The following SLC7A1 variants were observed in gnomAD, a reference collection of about 807,000 sequenced individuals.
SLC7A1 encodes solute carrier family 7 member 1.
A neutral mutation model predicts 53.9 loss-of-function variants in SLC7A1; 10 were observed. The observed-to-expected ratio is 0.19, with a 90% CI of 0.11 to 0.31. The LOEUF (loss-of-function observed/expected upper bound fraction) is 0.31. Ranked by LOEUF, SLC7A1 falls within the 10% of genes least tolerant of loss-of-function variation. SLC7A1 has a pLI of 1.00. For missense variants in SLC7A1, 525 were observed against 827.2 expected (o/e 0.63, Z 4.48); for synonymous variants, 342 against 338.7 (o/e 1.01, Z -0.11).
At chr13:29,514,796 T>G (rs1226775790) in intron 12 of SLC7A1, among the ~76,000 whole-genome samples, 1 of 152,236 alleles carries the variant, frequency 6.6e-6, no homozygotes, top group Non-Finnish European at 1.5e-5. Flanking sequence ...GGCAAAGCCC[T>G]ACGTTCCTCT....
At chr13:29,523,778 G>A (rs751624426) in intron 6 of SLC7A1, among the ~76,000 whole-genome samples, 18 of 152,224 alleles carry the variant, frequency 1.2e-4, no homozygotes, top group African/African-American at 4.3e-4. Context: ...AAATCTGGGA[G>A]GCTCACTGAA....
chr13:29,532,080 T>C (rs73452373), intron 4 of SLC7A1, among the ~76,000 whole-genome samples: 2,625 of 152,262 alleles, frequency 0.017, 73 homozygotes, highest in African/African-American at 0.059. Context: ...CCAGCCTGAG[T>C]GAAGTTATTT....
At chr13:29,527,515 G>A (rs1868954322) in intron 5 of SLC7A1, among the ~76,000 whole-genome samples, 1 of 152,154 alleles carries the variant, frequency 6.6e-6, no homozygotes, top group South Asian at 2.1e-4. Context: ...CCTTTTACAT[G>A]CGTGTGGCAG....
chr13:29,584,271 A>C (rs765276720), intron 1 of SLC7A1, among the ~76,000 whole-genome samples: 16 of 152,076 alleles, frequency 1.1e-4, no homozygotes, highest in Non-Finnish European at 2.1e-4. Context: ...TGCTAGGACT[A>C]CAGCTACTCG....
chr13:29,524,345 G>A (rs1868785172), intron 5 of SLC7A1, 92 bp from the exon 6 acceptor site: 1 of 1,518,616 alleles, frequency 6.6e-7, no homozygotes, highest in African/African-American at 1.4e-5. Context: ...AGCGGAACCT[G>A]GCAGTCAGCC....
At chr13:29,519,864 G>T (rs1479086692) in intron 8 of SLC7A1, among the ~76,000 whole-genome samples, 3 of 152,092 alleles carry the variant, frequency 2.0e-5, no homozygotes, top group Non-Finnish European at 2.9e-5. Context: ...ATTCACAAAG[G>T]TTAGGAGACT....
intron 1 of SLC7A1, among the ~76,000 whole-genome samples, chr13:29,591,813 G>A (rs541432336): frequency 1.5e-4 from 23 of 152,296 alleles, no homozygotes; most frequent in African/African-American, 5.3e-4. Context: ...AGGTTTCCTC[G>A]CGCTTGATTT....
intron 1 of SLC7A1, among the ~76,000 whole-genome samples, chr13:29,594,522 G>C (rs939505072): frequency 1.3e-5 from 2 of 152,250 alleles, no homozygotes; most frequent in Non-Finnish European, 2.9e-5. Flanking sequence ...TAGTACTACA[G>C]TGCAGCTGCC....
At chr13:29,539,552 T>C (rs900711221) in intron 2 of SLC7A1, among the ~76,000 whole-genome samples, 5 of 152,186 alleles carry the variant, frequency 3.3e-5, no homozygotes, top group African/African-American at 9.7e-5. Context: ...TCTAACATAA[T>C]GTGAAAAGGG....
chr13:29,564,655 A>G (rs1870893122), intron 1 of SLC7A1, among the ~76,000 whole-genome samples: 1 of 152,228 alleles, frequency 6.6e-6, no homozygotes, highest in South Asian at 2.1e-4. Context: ...AGGCAATGGG[A>G]TGAGGAGGCA....
Position 29,517,216 on chromosome 13 carries a change from A to G in SLC7A1, c.1605T>C (p.Ser535=). 4 of 1,613,272 alleles carry G rather than the reference A, an allele frequency of 2.5e-6. No homozygotes were observed. Among genetic ancestry groups the G allele is most frequent in the Non-Finnish European group, 3.4e-6 (4 of 1,179,676 alleles). ...ALWAVFLLAG[S]ALLCAVVTGV... is the part of the protein sequence containing the mutation. ...CCGTGACCACGGCACAGAGGAGGGCAGACCCTGCGAGCAGAAAGACTGCCC... is the reference window on the plus strand; with the variant it reads ...CCGTGACCACGGCACAGAGGAGGGCGGACCCTGCGAGCAGAAAGACTGCCC... Residue 535 remains serine, a synonymous_variant, in exon 11 of 13, where the codon TCT becomes TCC. Coordinates refer to ENST00000380752, the MANE Select transcript of SLC7A1 (RefSeq NM_003045.5).
At chr13:29,557,685 AATATGAGTG>A (rs2139142835) in intron 1 of SLC7A1, among the ~76,000 whole-genome samples, 3 of 121,168 alleles carry the variant, frequency 2.5e-5, no homozygotes, top group East Asian at 2.8e-4. Context: ...AGGGAGAGTG[AATATGAGTG>A]GGGGGGAGTG....
intron 1 of SLC7A1, among the ~76,000 whole-genome samples, chr13:29,587,668 A>T (rs1348044753): frequency 6.6e-6 from 1 of 152,122 alleles, no homozygotes; most frequent in Admixed American, 6.5e-5. Flanking sequence ...CAAGTCTCAA[A>T]CAAGTTCTGG....
chr13:29,517,514 A>G, intron 10 of SLC7A1, 59 bp downstream of exon 10: 1 of 1,426,088 alleles, frequency 7.0e-7, no homozygotes, highest in South Asian at 1.2e-5. Flanking sequence ...CTCCAGCTCC[A>G]CTGCCTAGAA....
Position 29,517,703 on chromosome 13 carries a change from G to A in SLC7A1, c.1380C>T (p.Ser460=). ...AAAAGCCCAGCTGGGAATCATTGGT[G>A]CTTGCCAATTCATTTTGGTCTGCTG... ...LDPADQNELA[S]TNDSQLGFLP... The change falls in exon 10 of 13, where the codon AGC becomes AGT. Residue 460 remains serine (S), a synonymous_variant. Coordinates refer to ENST00000380752, the MANE Select transcript of SLC7A1 (RefSeq NM_003045.5). 1.2e-6 allele frequency: 2 copies of A among 1,614,194 alleles called. No homozygotes were observed. The highest frequency in any genetic ancestry group is 1.1e-5 in the South Asian group (1 of 91,084).
chr13:29,549,707 C>T (rs1019786524), intron 2 of SLC7A1, among the ~76,000 whole-genome samples: 2 of 152,238 alleles, frequency 1.3e-5, no homozygotes, highest in Non-Finnish European at 2.9e-5. Context: ...CTCTGTAGCC[C>T]AGGCTGGAGT....
At chr13:29,535,516 A>AGAAT (rs777942929) in intron 3 of SLC7A1, among the ~76,000 whole-genome samples, 2 of 152,242 alleles carry the variant, frequency 1.3e-5, no homozygotes, top group South Asian at 2.1e-4. Flanking sequence ...ATTTATTAAA[A>AGAAT]GAATGAATGA....
chr13:29,549,083 TTGTACTTTTC>T (rs1431157793), intron 2 of SLC7A1, among the ~76,000 whole-genome samples: 1 of 152,164 alleles, frequency 6.6e-6, no homozygotes, highest in Non-Finnish European at 1.5e-5. Context: ...CAAGTACTGG[TTGTACTTTTC>T]TAATGAGGAG....
intron 1 of SLC7A1, among the ~76,000 whole-genome samples, chr13:29,576,004 T>A (rs1408721375): frequency 6.6e-6 from 1 of 152,032 alleles, no homozygotes; most frequent in Non-Finnish European, 1.5e-5. Flanking sequence ...TCAAGAAATT[T>A]AGGCCACGTG....
Sources: gnomAD v4.1 joint callset for allele counts (sites outside exome capture counted in the v4.1 genomes callset) on GRCh38, gnomAD v4.1.1 for gene constraint, MANE v1.5 for transcripts, NCBI Gene and HGNC (gene_info 2026-07-23, HGNC 2026-07-21) for gene names.